PATJ: variants seen among roughly 807,000 people sequenced by gnomAD.
PATJ encodes the protein PATJ crumbs cell polarity complex component.
A neutral mutation model predicts 224.9 loss-of-function variants in PATJ; 190 were observed. That is an observed-to-expected ratio of 0.84 (90% CI 0.75 to 0.95). The LOEUF (loss-of-function observed/expected upper bound fraction) is 0.95. Ranked by LOEUF, PATJ falls within the 40% of genes least tolerant of loss-of-function variation. The pLI is 0.00. For synonymous variants in PATJ, 769 were observed against 820.3 expected (o/e 0.94, Z 1.07); for missense variants, 2,121 against 2,270.3 (o/e 0.93, Z 1.34).
intron 17 of PATJ, among the ~76,000 whole-genome samples, chr1:61,840,004 T>A (rs1477817021): frequency 6.6e-6 from 1 of 152,020 alleles, no homozygotes; most frequent in East Asian, 1.9e-4. Context: ...TTAAAAAGAA[T>A]AGTGGAAATA....
intron 17 of PATJ, among the ~76,000 whole-genome samples, chr1:61,855,565 C>T (rs559040224): frequency 1.3e-5 from 2 of 152,134 alleles, no homozygotes; most frequent in East Asian, 1.9e-4. Flanking sequence ...CAAACACACA[C>T]TACCACACCT....
chr1:62,017,215 C>T (rs80250637), intron 28 of PATJ, among the ~76,000 whole-genome samples: 1,664 of 152,112 alleles, frequency 0.011, 20 homozygotes, highest in Non-Finnish European at 0.02. Flanking sequence ...GGAGTCCTAA[C>T]CCAGCCTGGG....
chr1:61,803,799 A>G (rs1314346456), intron 12 of PATJ, among the ~76,000 whole-genome samples: 1 of 152,166 alleles, frequency 6.6e-6, no homozygotes, highest in East Asian at 1.9e-4. Context: ...ATCAAAATCT[A>G]CTAACTGCTA....
chr1:61,793,826 C>G (rs1650416984), intron 9 of PATJ, among the ~76,000 whole-genome samples: 1 of 151,174 alleles, frequency 6.6e-6, no homozygotes, highest in African/African-American at 2.4e-5. Flanking sequence ...TATGGAGGGC[C>G]TTGAATATGA....
chr1:62,057,558 G>T (rs1450150049), intron 31 of PATJ, among the ~76,000 whole-genome samples: 1 of 152,204 alleles, frequency 6.6e-6, no homozygotes, highest in East Asian at 1.9e-4. Flanking sequence ...GGCAGTCCAT[G>T]AGAGATGGTG....
chr1:62,045,113 C>T (rs1053247529), intron 30 of PATJ, among the ~76,000 whole-genome samples: 3 of 151,874 alleles, frequency 2.0e-5, no homozygotes, highest in Non-Finnish European at 4.4e-5. Context: ...CTCAGCTACT[C>T]GGGAGGCTGA....
chr1:61,920,580 A>G (rs1674146183), intron 26 of PATJ, among the ~76,000 whole-genome samples: 2 of 151,924 alleles, frequency 1.3e-5, no homozygotes, highest in South Asian at 4.2e-4. Flanking sequence ...ACCCACTATC[A>G]CTGAAACCAT....
At chr1:61,966,366 G>A (rs370547052) in intron 27 of PATJ, among the ~76,000 whole-genome samples, 12 of 152,266 alleles carry the variant, frequency 7.9e-5, no homozygotes, top group African/African-American at 2.4e-4. Context: ...TGGATCTCGC[G>A]CCAAGGCGAG....
At chr1:61,772,140 G>C (rs1243336677) in intron 6 of PATJ, among the ~76,000 whole-genome samples, 1 of 108,836 alleles carries the variant, frequency 9.2e-6, no homozygotes, top group African/African-American at 3.4e-5. Flanking sequence ...TCAATGTCCT[G>C]TGGGTCCCTT....
At chr1:61,947,128 A>C (rs2149366905) in intron 27 of PATJ, among the ~76,000 whole-genome samples, 1 of 152,292 alleles carries the variant, frequency 6.6e-6, no homozygotes, top group Non-Finnish European at 1.5e-5. Context: ...ATGGGCAAAA[A>C]CTGGAAGCAT....
chr1:61,812,433 A>AGTGTGTGT lies in PATJ; in HGVS notation c.1683+3931_1683+3938dup, dbSNP rs71050167. ...GAGAGAGAGAGAGAGAGAGAGAGAG[A>AGTGTGTGT]GTGTGTGTGTGTGTGTGTGTGTGTG... On this transcript the variant is annotated intron_variant, in intron 14 of 43. Transcript: ENST00000642238. Among the ~76,000 whole-genome samples, 38 of 85,198 alleles carry AGTGTGTGT rather than the reference A, an allele frequency of 4.5e-4. 1 individual carries two copies. The highest frequency in any genetic ancestry group is 1.4e-3 in the East Asian group (2 of 1,412). The allele number at this position is 85,198 out of a possible 152,430, so 55.9% of individuals were successfully genotyped here. A position where few individuals can be genotyped will look rare whatever the true frequency, so the allele number is the denominator to read the frequency against.
intron 16 of PATJ, among the ~76,000 whole-genome samples, chr1:61,831,190 A>AG (rs1339876400): frequency 5.1e-4 from 76 of 150,282 alleles, no homozygotes; most frequent in African/African-American, 1.8e-3. Context: ...TCTGTCTCAA[A>AG]AAAAAAAAAA....
Position 62,139,897 on chromosome 1 carries a change from C to T in PATJ, c.5272-8387C>T, listed in dbSNP as rs193298274. On this transcript the variant is annotated intron_variant, in intron 41 of 43. Transcript: ENST00000642238. Reference sequence around the variant, plus strand: ...ACCTCAGCCTCCCAAATAGCTGGGGCTACAGTCATGAACCACCACGCCCAG... The same window carrying T: ...ACCTCAGCCTCCCAAATAGCTGGGGTTACAGTCATGAACCACCACGCCCAG... 1.5e-3 allele frequency among the ~76,000 whole-genome samples: 228 copies of T among 152,004 alleles called. 1 individual carries two copies. Among genetic ancestry groups the T allele is most frequent in the African/African-American group, 5.3e-3 (220 of 41,452 alleles).
At chr1:62,056,837 G>GA (rs1654630361) in intron 31 of PATJ, among the ~76,000 whole-genome samples, 1 of 151,850 alleles carries the variant, frequency 6.6e-6, no homozygotes, top group Non-Finnish European at 1.5e-5. Flanking sequence ...ACTACACTTT[G>GA]TTTTTTTTAA....
At chr1:61,926,744 G>A (rs1035460687) in intron 26 of PATJ, among the ~76,000 whole-genome samples, 1 of 152,108 alleles carries the variant, frequency 6.6e-6, no homozygotes, top group African/African-American at 2.4e-5. Flanking sequence ...ATATGGGTGT[G>A]TGCTTTCCTT....
chr1:61,834,086 A>T (rs1271407783), intron 17 of PATJ, among the ~76,000 whole-genome samples: 1 of 152,164 alleles, frequency 6.6e-6, no homozygotes, highest in African/African-American at 2.4e-5. Flanking sequence ...CTTTATTCAG[A>T]TATCTTTCAC....
At chr1:61,898,780 A>G (rs1670718914) in intron 22 of PATJ, among the ~76,000 whole-genome samples, 1 of 152,186 alleles carries the variant, frequency 6.6e-6, no homozygotes, top group African/African-American at 2.4e-5. Flanking sequence ...TACGTTATCC[A>G]GTTCAGCAGT....
At chr1:61,999,300 G>A (rs1469575618) in intron 28 of PATJ, among the ~76,000 whole-genome samples, 1 of 152,166 alleles carries the variant, frequency 6.6e-6, no homozygotes, top group Non-Finnish European at 1.5e-5. Flanking sequence ...TGTAGTGACT[G>A]TAGTGAAATG....
chr1:62,134,588 G>A (rs975032654), intron 41 of PATJ, among the ~76,000 whole-genome samples: 9 of 145,196 alleles, frequency 6.2e-5, no homozygotes, highest in African/African-American at 2.1e-4. Flanking sequence ...TAGGTGATCC[G>A]CCCGCCTCAG....
Sources: gnomAD v4.1 joint callset for allele counts (sites outside exome capture counted in the v4.1 genomes callset) on GRCh38, gnomAD v4.1.1 for gene constraint, MANE v1.5 for transcripts, NCBI Gene and HGNC (gene_info 2026-07-23, HGNC 2026-07-21) for gene names.